The following TMEM108 variants were observed in gnomAD, a reference collection of about 807,000 sequenced individuals.
TMEM108 encodes cancer/testis antigen 124.
In TMEM108, 12 loss-of-function variants were observed where a neutral mutation model predicts 35.1. That is an observed-to-expected ratio of 0.34 (90% confidence interval 0.22 to 0.55). The LOEUF is 0.55. Among genes scored for constraint, TMEM108 ranks in the 20% least tolerant of loss-of-function variants. TMEM108 has a pLI of 0.89. For missense variants in TMEM108, 680 were observed against 753.3 expected (o/e 0.90, Z 1.14); for synonymous variants, 287 against 308.6 (o/e 0.93, Z 0.73).
At position 133,339,176 on chromosome 3, in the gene TMEM108, TA is replaced by T. The variant is rs944938705; in HGVS notation, c.41-40566del. ...AAGGACATAGAGTGGCTGAGTGGATTAAAAAAAAAACCAAGACCTAATTATC... is the reference window on the plus strand; with the variant it reads ...AAGGACATAGAGTGGCTGAGTGGATTAAAAAAAAACCAAGACCTAATTATC... On this transcript the variant is annotated intron_variant, in intron 3 of 5. Coordinates refer to ENST00000321871, the MANE Select transcript of TMEM108 (RefSeq NM_023943.4). Among the ~76,000 whole-genome samples the T allele has an allele frequency of 2.8e-3, 408 of 147,054 alleles. 3 individuals carry two copies. The highest frequency in any genetic ancestry group is 9.4e-3 in the African/African-American group (380 of 40,248).
chr3:133,157,483 C>A (rs1160386648), intron 2 of TMEM108, among the ~76,000 whole-genome samples: 1 of 152,122 alleles, frequency 6.6e-6, no homozygotes, highest in African/African-American at 2.4e-5. Flanking sequence ...CAAAATTAAA[C>A]CTGAGTCTTA....
chr3:133,343,613 A>C (rs1303807177), intron 3 of TMEM108, among the ~76,000 whole-genome samples: 1 of 151,866 alleles, frequency 6.6e-6, no homozygotes, highest in Non-Finnish European at 1.5e-5. Flanking sequence ...TAACTGAAAG[A>C]AGCCAGAGCC....
chr3:133,230,167 A>G (rs930926763), intron 3 of TMEM108, among the ~76,000 whole-genome samples: 4 of 152,238 alleles, frequency 2.6e-5, no homozygotes, highest in African/African-American at 7.2e-5. Flanking sequence ...TGAAGTACCT[A>G]TCTTTCCTAG....
intron 2 of TMEM108, among the ~76,000 whole-genome samples, chr3:133,220,311 G>A (rs1945972084): frequency 6.6e-6 from 1 of 151,490 alleles, no homozygotes; most frequent in African/African-American, 2.4e-5. Flanking sequence ...AAGTCTCACT[G>A]CGTTGACCAG....
At chr3:133,171,380 T>G (rs1945128715) in intron 2 of TMEM108, among the ~76,000 whole-genome samples, 1 of 152,196 alleles carries the variant, frequency 6.6e-6, no homozygotes, top group Non-Finnish European at 1.5e-5. Context: ...AAGCAAAATA[T>G]GCATGTGTCT....
At position 133,355,029 on chromosome 3, in the gene TMEM108, T is replaced by G. The variant is rs180770212; in HGVS notation, c.41-24723T>G. Among the ~76,000 whole-genome samples the G allele has an allele frequency of 3.7e-4, 56 of 152,274 alleles. No individual in the cohort carries two copies. In the East Asian group the frequency reaches 0.01, roughly 28 times the overall value. On this transcript the variant is annotated intron_variant, in intron 3 of 5. Transcript: ENST00000321871. ...AGGGTAGGCAAGTGTAAAGATACAG[T>G]TTTGTGGGTCATACCAAGTTCGCAC...
chr3:133,113,933 G>A (rs770629166), intron 2 of TMEM108, among the ~76,000 whole-genome samples: 2 of 152,182 alleles, frequency 1.3e-5, no homozygotes, highest in African/African-American at 2.4e-5. Context: ...TGATTCTGGG[G>A]CTTTCTGGAT....
chr3:133,257,285 C>T (rs370591189), intron 3 of TMEM108: 6 of 152,254 alleles, frequency 3.9e-5, no homozygotes, highest in African/African-American at 1.4e-4. Flanking sequence ...CCAAGAATTG[C>T]AGGAGATGAG....
intron 2 of TMEM108, among the ~76,000 whole-genome samples, chr3:133,126,471 C>T (rs1255095857): frequency 6.7e-6 from 1 of 150,326 alleles, no homozygotes; most frequent in Non-Finnish European, 1.5e-5. Context: ...TGTCCCCGCC[C>T]CCCCCAGAAA....
At chr3:133,284,740 A>C (rs765602872) in intron 3 of TMEM108, among the ~76,000 whole-genome samples, 2 of 152,204 alleles carry the variant, frequency 1.3e-5, no homozygotes, top group African/African-American at 2.4e-5. Flanking sequence ...TGTTCAAACC[A>C]TCCCGGATTA....
chr3:133,310,530 CTTTTTTTT>C (rs59215786), intron 3 of TMEM108, among the ~76,000 whole-genome samples: 4 of 22,212 alleles, frequency 1.8e-4, no homozygotes, highest in African/African-American at 3.1e-4. Context: ...GCAACCCCTG[CTTTTTTTT>C]TTTTTTTTTT....
At chr3:133,332,413 A>T (rs1238732617) in intron 3 of TMEM108, among the ~76,000 whole-genome samples, 1 of 152,186 alleles carries the variant, frequency 6.6e-6, no homozygotes, top group Non-Finnish European at 1.5e-5. Flanking sequence ...TTTCTACCTT[A>T]AAGTCTCGCT....
chr3:133,394,046 T>C (rs2107864818), intron 5 of TMEM108, among the ~76,000 whole-genome samples: 1 of 152,290 alleles, frequency 6.6e-6, no homozygotes, highest in East Asian at 1.9e-4. Flanking sequence ...TTGTTCTGCT[T>C]TATTTAGAGT....
intron 2 of TMEM108, among the ~76,000 whole-genome samples, chr3:133,148,462 A>G (rs1944752647): frequency 6.6e-6 from 1 of 152,014 alleles, no homozygotes; most frequent in Non-Finnish European, 1.5e-5. Context: ...AGCATTAATT[A>G]ATAATAAAAA....
intron 3 of TMEM108, among the ~76,000 whole-genome samples, chr3:133,250,037 G>T (rs1946445762): frequency 6.6e-6 from 1 of 152,150 alleles, no homozygotes; most frequent in Non-Finnish European, 1.5e-5. Flanking sequence ...TTGGCCTCCA[G>T]AGTAGTTATG....
chr3:133,281,753 G>A (rs1241058121), intron 3 of TMEM108, among the ~76,000 whole-genome samples: 1 of 152,140 alleles, frequency 6.6e-6, no homozygotes, highest in African/African-American at 2.4e-5. Flanking sequence ...CTGGGCTTTG[G>A]TTACCTTCTC....
chr3:133,185,962 T>A (rs1446469775), intron 2 of TMEM108, among the ~76,000 whole-genome samples: 2 of 151,808 alleles, frequency 1.3e-5, no homozygotes, highest in Non-Finnish European at 2.9e-5. Flanking sequence ...GAGACAAGGT[T>A]TCACCATGTT....
intron 2 of TMEM108, among the ~76,000 whole-genome samples, chr3:133,202,987 C>G (rs1945693651): frequency 6.6e-6 from 1 of 152,130 alleles, no homozygotes; most frequent in Non-Finnish European, 1.5e-5. Flanking sequence ...GTTTGTAGTT[C>G]TCCTTGAAGA....
intron 2 of TMEM108, among the ~76,000 whole-genome samples, chr3:133,053,912 AT>A (rs1187951157): frequency 2.0e-5 from 3 of 152,222 alleles, no homozygotes; most frequent in African/African-American, 7.2e-5. Context: ...AAGGAGTATG[AT>A]AGGTTTTGTA....
Sources: gnomAD v4.1 joint callset for allele counts (sites outside exome capture counted in the v4.1 genomes callset) on GRCh38, gnomAD v4.1.1 for gene constraint, MANE v1.5 for transcripts, NCBI Gene and HGNC (gene_info 2026-07-23, HGNC 2026-07-21) for gene names.